Variants in ASAH2 observed in about 807,000 individuals in gnomAD.
ASAH2 encodes N-acylsphingosine amidohydrolase 2.
A neutral mutation model predicts 82.9 loss-of-function variants in ASAH2; 58 were observed. That is an observed-to-expected ratio of 0.70 (90% CI 0.57 to 0.87). ASAH2 has a LOEUF of 0.87. ASAH2 is among the 40% of genes least tolerant of loss of function. The pLI is 0.00. For missense variants in ASAH2, 779 were observed against 834.0 expected (o/e 0.93, Z 0.81); for synonymous variants, 276 against 289.7 (o/e 0.95, Z 0.48).
rs1304267947 is a variant in ASAH2, at chr10:50,218,446, A to G, written c.1014+64T>C. The G allele has an allele frequency of 9.3e-6, 15 of 1,609,044 alleles. No individual in the cohort carries two copies. In the African/African-American group the frequency reaches 1.7e-4, roughly 19 times the overall value. Reference sequence around the variant, plus strand: ...CTGGAGATTTGAATCACCTCTTCTGAATGCAGCATGAATGATGACACTCAG... The same window carrying G: ...CTGGAGATTTGAATCACCTCTTCTGGATGCAGCATGAATGATGACACTCAG... On this transcript the variant is annotated intron_variant, in intron 8 of 20. Transcript: ENST00000682911.
intron 18 of ASAH2, among the ~76,000 whole-genome samples, chr10:50,194,498 C>T (rs1159607931): frequency 6.6e-5 from 10 of 151,208 alleles, no homozygotes; most frequent in African/African-American, 2.2e-4. Context: ...ACAAAAAATC[C>T]TAAAGAAAAC....
At chr10:50,213,206 A>C in intron 9 of ASAH2, 148 bp from the exon 10 acceptor site, 1 of 750,540 alleles carries the variant, frequency 1.3e-6, no homozygotes, top group Non-Finnish European at 2.4e-6. Context: ...ACAAACTATA[A>C]AAACAAAATC....
chr10:50,223,422 G>A (rs927490169), intron 7 of ASAH2, among the ~76,000 whole-genome samples: 129 of 152,274 alleles, frequency 8.5e-4, no homozygotes, highest in African/African-American at 3.1e-3. Flanking sequence ...AGCTCACTGA[G>A]CCTGGCACTT....
At chr10:50,203,766 T>C (rs1181111682) in intron 14 of ASAH2, 87 bp from the exon 15 acceptor site, 1 of 1,109,646 alleles carries the variant, frequency 9.0e-7, no homozygotes, top group African/African-American at 1.5e-5. Flanking sequence ...GCCAAAAAAT[T>C]ACCCTGGCTC....
intron 13 of ASAH2, among the ~76,000 whole-genome samples, chr10:50,205,224 G>A (rs931316405): frequency 7.7e-4 from 117 of 151,960 alleles, no homozygotes; most frequent in African/African-American, 2.8e-3. Context: ...GAGTACTGTT[G>A]GTGACTATTC....
intron 7 of ASAH2, among the ~76,000 whole-genome samples, chr10:50,226,784 C>T (rs999145880): frequency 6.6e-6 from 1 of 151,950 alleles, no homozygotes; most frequent in African/African-American, 2.4e-5. Context: ...GGTATCATTT[C>T]TGCATTGTTC....
rs778244882 is a variant in ASAH2 at position 50,245,353 on chromosome 10, G to A, written c.229C>T (p.Gln77Ter). The A allele has an allele frequency of 6.2e-7, 1 of 1,613,878 alleles. No homozygotes were observed. The highest frequency in any genetic ancestry group is 1.1e-5 in the South Asian group (1 of 91,070). The change falls in exon 3 of 21, where the codon CAG (glutamine) becomes TAG (stop). Residue 77 changes from glutamine to a stop codon, truncating the protein, a stop_gained. Coordinates refer to ENST00000682911, the MANE Select transcript of ASAH2 (RefSeq NM_019893.4). LOFTEE classifies it high-confidence loss of function. Reference protein sequence around the residue: ...STATQHSTATQSSTATQTSPV... With the variant: ...STATQHSTAT ...GAAGTTTGAGTGGCTGTGGAGCTCT[G>A]GGTGGCTGTGGAATGCTGGGTGGCT...
intron 7 of ASAH2, among the ~76,000 whole-genome samples, chr10:50,224,535 G>A (rs1344657162): frequency 1.3e-5 from 2 of 152,114 alleles, no homozygotes; most frequent in Non-Finnish European, 2.9e-5. Flanking sequence ...TGACAGAGAC[G>A]TGAGTGCTCA....
rs548652527 is a variant in ASAH2 at position 50,185,569 on chromosome 10, T to C, written c.*1746A>G. 1 of 56,314 alleles carries C rather than the reference T, an allele frequency of 1.8e-5. No homozygotes were observed. The highest frequency in any genetic ancestry group is 4.1e-4 in the East Asian group (1 of 2,450). The allele number at this position is 56,314 out of a possible 1,614,324, so 3.5% of individuals were successfully genotyped here. A position where few individuals can be genotyped will look rare whatever the true frequency, so the allele number is the denominator to read the frequency against. On this transcript the variant is annotated 3_prime_UTR_variant, in exon 21 of 21. Transcript: ENST00000682911. ...CCATATCATAAGTTCTAATATAATT[T>C]TCTTGTCTGGAATCAGCTACTTTCA...
chr10:50,217,358 G>C (rs1385250257), intron 8 of ASAH2, among the ~76,000 whole-genome samples: 2 of 151,450 alleles, frequency 1.3e-5, no homozygotes, highest in Non-Finnish European at 2.9e-5. Context: ...CTCCCAAGTA[G>C]CTGGGACTAT....
In ASAH2 at chr10:50,214,731, A is replaced by G. The variant is rs1845550260; in HGVS notation, c.1140+12T>C. On this transcript the variant is annotated intron_variant, in intron 9 of 20. Transcript: ENST00000682911. ...TGCAAAAACAAAGATTTCATGTGTC[A>G]TAATTACCTACCCCACCAATGGGAC... The G allele has an allele frequency of 6.2e-7, 1 of 1,613,478 alleles. No homozygotes were observed. Among genetic ancestry groups the G allele is most frequent in the Admixed American group, 1.7e-5 (1 of 59,980 alleles).
intron 4 of ASAH2, among the ~76,000 whole-genome samples, chr10:50,237,968 G>A (rs1426210791): frequency 6.6e-6 from 1 of 151,944 alleles, no homozygotes; most frequent in Non-Finnish European, 1.5e-5. Context: ...AAAAAATCCA[G>A]CAAAAGTGTC....
At chr10:50,223,200 A>G (rs1448300355) in intron 7 of ASAH2, among the ~76,000 whole-genome samples, 2 of 152,166 alleles carry the variant, frequency 1.3e-5, no homozygotes, top group African/African-American at 4.8e-5. Flanking sequence ...AATATAAAAC[A>G]CTACAATTTT....
At chr10:50,197,467 T>TA (rs1159133885) in intron 17 of ASAH2, among the ~76,000 whole-genome samples, 1 of 151,792 alleles carries the variant, frequency 6.6e-6, no homozygotes, top group African/African-American at 2.4e-5. Flanking sequence ...AATAGTGTCA[T>TA]AAAAATACAA....
intron 16 of ASAH2, among the ~76,000 whole-genome samples, chr10:50,201,768 C>G (rs1845155214): frequency 6.6e-6 from 1 of 152,044 alleles, no homozygotes; most frequent in Admixed American, 6.6e-5. Context: ...ATTTACCATA[C>G]TATAATAAAC....
chr10:50,221,631 A>ATGTGTGTGTGTGTGTG, intron 7 of ASAH2, among the ~76,000 whole-genome samples: 1 of 146,618 alleles, frequency 6.8e-6, no homozygotes, highest in African/African-American at 2.6e-5. Flanking sequence ...TTCAGGTTGT[A>ATGTGTGTGTGTGTGTG]TGTGTGTGTG....
rs781281745 is a variant in ASAH2, at chr10:50,214,780, G to A, written c.1103C>T (p.Ser368Phe). The change falls in exon 9 of 21, where the codon TCC becomes TTC. Residue 368 changes from serine to phenylalanine, a missense_variant. This residue lies in a region of ASAH2 where 759 missense variants were observed against 755.2 expected (regional missense o/e 1.00). Transcript: ENST00000682911. ...ACAAGTGCTATTGGCGTTATCACAG[G>A]ACTCTCCTGTGTTGATGCAACGTGG... ...LGPRCINTGESCDNANSTCPI... is the reference protein window; with the variant it reads ...LGPRCINTGEFCDNANSTCPI... 1 of 1,613,774 alleles carries A rather than the reference G, an allele frequency of 6.2e-7. No individual in the cohort carries two copies. Among genetic ancestry groups the A allele is most frequent in the Non-Finnish European group, 8.5e-7 (1 of 1,179,724 alleles).
intron 18 of ASAH2, among the ~76,000 whole-genome samples, chr10:50,195,806 A>G (rs1199950255): frequency 6.6e-6 from 1 of 151,842 alleles, no homozygotes; most frequent in Non-Finnish European, 1.5e-5. Flanking sequence ...AAAGATAAAT[A>G]CCACATGATC....
rs1589327218 is a variant in ASAH2, at chr10:50,206,096, C to T, written c.1416G>A (p.Gly472=). 6.2e-7 allele frequency: 1 copy of T among 1,606,914 alleles called. No individual in the cohort carries two copies. The highest frequency in any genetic ancestry group is 1.3e-5 in the African/African-American group (1 of 74,852). ...DGVGGLNFTQ[G]KTEGDPFWDT... The stretch of plus-strand genomic sequence containing the variant: ...CCCAAAATGGATCCCCTTCTGTTTT[C>T]CCTATTAGAAATGTTATAATTAGTA... Residue 472 remains glycine (G), a splice_region_variant and synonymous_variant, in exon 13 of 21, where the codon GGG becomes GGA. Coordinates refer to ENST00000682911, the MANE Select transcript of ASAH2 (RefSeq NM_019893.4).
Sources: allele counts gnomAD v4.1 joint callset (sites outside exome capture counted in the v4.1 genomes callset), GRCh38; gene constraint gnomAD v4.1.1; regional missense constraint gnomAD v4.1.1; transcripts MANE v1.5; gene names NCBI Gene and HGNC (gene_info 2026-07-23, HGNC 2026-07-21).